The following ROBO2 variants were observed in gnomAD, a reference collection of about 807,000 sequenced individuals.
ROBO2 encodes the protein roundabout guidance receptor 2.
A neutral mutation model predicts 160.8 loss-of-function variants in ROBO2; 53 were observed. The ratio of observed to expected loss-of-function variants is 0.33; its 90% CI spans 0.26 to 0.41. The LOEUF (loss-of-function observed/expected upper bound fraction) is 0.41, where lower values mean the gene tolerates loss of function less well. Ranked by LOEUF, ROBO2 falls within the 10% of genes least tolerant of loss-of-function variation. The pLI is 1.00. For missense variants in ROBO2, 1,577 were observed against 1,722.4 expected (o/e 0.92, Z 1.49); for synonymous variants, 664 against 611.7 (o/e 1.09, Z -1.26).
At chr3:77,263,678 T>C (rs1332335774) in intron 2 of ROBO2, among the ~76,000 whole-genome samples, 1 of 152,250 alleles carries the variant, frequency 6.6e-6, no homozygotes, top group African/African-American at 2.4e-5. Flanking sequence ...GTGGATTCCA[T>C]GTCTTTGCTG....
At chr3:77,270,965 T>C (rs2059452127) in intron 2 of ROBO2, among the ~76,000 whole-genome samples, 1 of 151,950 alleles carries the variant, frequency 6.6e-6, no homozygotes, top group Non-Finnish European at 1.5e-5. Flanking sequence ...AAAAAACGGT[T>C]TCTATGTCAT....
At chr3:76,712,483 C>T (rs988010770) in intron 2 of ROBO2, among the ~76,000 whole-genome samples, 2 of 151,776 alleles carry the variant, frequency 1.3e-5, no homozygotes, top group African/African-American at 4.8e-5. Context: ...AAAACCAGCC[C>T]GGCCAACATG....
chr3:77,513,792 C>G (rs1467172746), intron 5 of ROBO2, among the ~76,000 whole-genome samples: 1 of 151,712 alleles, frequency 6.6e-6, no homozygotes. Context: ...CAATCAATCT[C>G]AATTCACGGT....
At chr3:76,323,900 A>G (rs1283344054) in intron 2 of ROBO2, among the ~76,000 whole-genome samples, 3 of 152,248 alleles carry the variant, frequency 2.0e-5, no homozygotes, top group Non-Finnish European at 4.4e-5. Flanking sequence ...ATAGCACTTA[A>G]CAGTGAGCAT....
At chr3:76,991,745 A>G (rs2060676484) in intron 2 of ROBO2, among the ~76,000 whole-genome samples, 1 of 152,184 alleles carries the variant, frequency 6.6e-6, no homozygotes, top group Non-Finnish European at 1.5e-5. Flanking sequence ...ATTGATTTGC[A>G]ATAAGAAACC....
At chr3:76,179,562 C>G (rs1043700404) in intron 2 of ROBO2, among the ~76,000 whole-genome samples, 22 of 152,166 alleles carry the variant, frequency 1.4e-4, no homozygotes, top group Admixed American at 1.4e-3. Context: ...TGCCTCCGCT[C>G]TTATACATCA....
At chr3:76,576,406 A>C (rs937507922) in intron 2 of ROBO2, among the ~76,000 whole-genome samples, 3 of 152,052 alleles carry the variant, frequency 2.0e-5, no homozygotes, top group Non-Finnish European at 4.4e-5. Flanking sequence ...TCTTGAATGC[A>C]ACCGTCTTGA....
chr3:76,378,690 A>C (rs1278405470), intron 2 of ROBO2, among the ~76,000 whole-genome samples: 1 of 152,190 alleles, frequency 6.6e-6, no homozygotes, highest in Non-Finnish European at 1.5e-5. Flanking sequence ...TTCTGCTTAC[A>C]TATGTCCAGT....
At chr3:76,193,354 A>G (rs905620087) in intron 2 of ROBO2, among the ~76,000 whole-genome samples, 1 of 152,098 alleles carries the variant, frequency 6.6e-6, no homozygotes, top group Non-Finnish European at 1.5e-5. Flanking sequence ...TGCTGTGTCC[A>G]TATCTAAGCC....
chr3:77,372,270 TATATC>T (rs751368245), intron 2 of ROBO2, among the ~76,000 whole-genome samples: 4 of 152,116 alleles, frequency 2.6e-5, no homozygotes, highest in Non-Finnish European at 5.9e-5. Context: ...AGTCAATTCT[TATATC>T]AGGAAGAGGA....
intron 2 of ROBO2, among the ~76,000 whole-genome samples, chr3:77,445,748 A>T (rs1204011026): frequency 6.6e-6 from 1 of 151,080 alleles, no homozygotes; most frequent in African/African-American, 2.4e-5. Flanking sequence ...TTGTAGTAGC[A>T]TATAAAGGTA....
exon 26 of ROBO2, chr3:77,649,120 A>C (rs536422213): frequency 6.6e-6 from 1 of 152,304 alleles, no homozygotes; most frequent in African/African-American, 2.4e-5. Flanking sequence ...GGGGCATGAA[A>C]AGAATTGATT....
At chr3:76,740,194 G>A (rs961458280) in intron 2 of ROBO2, among the ~76,000 whole-genome samples, 1 of 152,106 alleles carries the variant, frequency 6.6e-6, no homozygotes, top group South Asian at 2.1e-4. Context: ...GGATACACTT[G>A]TACAAGTTCA....
intron 2 of ROBO2, among the ~76,000 whole-genome samples, chr3:76,720,393 C>G (rs759662640): frequency 2.0e-5 from 3 of 152,112 alleles, no homozygotes; most frequent in Non-Finnish European, 4.4e-5. Flanking sequence ...GGGTTGGTAG[C>G]ATTAATACAA....
At chr3:76,965,417 A>T (rs2079991920) in intron 2 of ROBO2, among the ~76,000 whole-genome samples, 1 of 152,192 alleles carries the variant, frequency 6.6e-6, no homozygotes, top group Non-Finnish European at 1.5e-5. Context: ...TTGGTTCCAT[A>T]AATGTCTGCA....
In ROBO2 at chr3:76,791,298, G is replaced by T. The variant is rs374241117; in HGVS notation, c.110-306716G>T. 7.2e-5 allele frequency among the ~76,000 whole-genome samples: 11 copies of T among 151,828 alleles called. No individual in the cohort carries two copies. In the South Asian group the frequency reaches 2.3e-3, roughly 31 times the overall value. On this transcript the variant is annotated intron_variant, in intron 2 of 26. Coordinates refer to the ROBO2 transcript ENST00000487694. ...ACATGTGGTAGTGAGCCTGCAGAATGGTCCACAACTATCCTTGCCTCTTGC... is the reference window on the plus strand; with the variant it reads ...ACATGTGGTAGTGAGCCTGCAGAATTGTCCACAACTATCCTTGCCTCTTGC...
intron 2 of ROBO2, among the ~76,000 whole-genome samples, chr3:75,972,277 G>A (rs1032913106): frequency 1.3e-5 from 2 of 151,506 alleles, no homozygotes; most frequent in Admixed American, 6.6e-5. Flanking sequence ...CCACAAAATA[G>A]TATACTTGAT....
At chr3:77,257,990 TG>T (rs2058531983) in intron 2 of ROBO2, among the ~76,000 whole-genome samples, 1 of 152,204 alleles carries the variant, frequency 6.6e-6, no homozygotes, top group Non-Finnish European at 1.5e-5. Context: ...GACTAGAATT[TG>T]GGGAAAAATA....
chr3:76,867,575 A>G (rs150850047), intron 2 of ROBO2, among the ~76,000 whole-genome samples: 2 of 152,348 alleles, frequency 1.3e-5, no homozygotes, highest in Non-Finnish European at 2.9e-5. Flanking sequence ...GAGAAATGCA[A>G]CCACGATGGA....
Sources: allele counts gnomAD v4.1 joint callset (sites outside exome capture counted in the v4.1 genomes callset), GRCh38; gene constraint gnomAD v4.1.1; transcripts MANE v1.5; gene names NCBI Gene and HGNC (gene_info 2026-07-23, HGNC 2026-07-21).